The following SNX29 variants were observed in gnomAD, a reference collection of about 807,000 sequenced individuals.
SNX29 encodes sorting nexin-29.
Under a neutral mutation model 102.1 loss-of-function variants are expected in SNX29, and 78 were observed. The ratio of observed to expected loss-of-function variants is 0.76; its 90% CI spans 0.64 to 0.92. The LOEUF (loss-of-function observed/expected upper bound fraction) is 0.92. SNX29 is among the 40% of genes least tolerant of loss of function. The pLI is 0.00. For synonymous variants in SNX29, 580 were observed against 414.5 expected (o/e 1.40, Z -4.85); for missense variants, 1,280 against 1,061.7 (o/e 1.21, Z -2.86).
At chr16:12,143,482 G>C (rs1567245470) in intron 13 of SNX29, among the ~76,000 whole-genome samples, 1 of 152,138 alleles carries the variant, frequency 6.6e-6, no homozygotes, top group African/African-American at 2.4e-5. Context: ...CTCGTCCTTA[G>C]TGTCATGCAA....
At chr16:12,262,685 G>A (rs1008900477) in intron 14 of SNX29, among the ~76,000 whole-genome samples, 2 of 152,222 alleles carry the variant, frequency 1.3e-5, no homozygotes, top group African/African-American at 4.8e-5. Flanking sequence ...ACAGTGGTAA[G>A]GAGACCAGGG....
At chr16:12,226,528 G>T (rs2077614273) in intron 14 of SNX29, among the ~76,000 whole-genome samples, 1 of 151,962 alleles carries the variant, frequency 6.6e-6, no homozygotes, top group Non-Finnish European at 1.5e-5. Flanking sequence ...ATTCTAGAAA[G>T]AGGGTTTGGG....
chr16:12,048,477 A>T lies in SNX29; in HGVS notation c.605A>T (p.Asn202Ile). The change falls in exon 7 of 21, where the codon AAC (asparagine) becomes ATC (isoleucine). Residue 202 changes from asparagine (N) to isoleucine (I), a missense_variant. Physicochemically the swap from Asn to Ile is moderately radical, Grantham distance 149. Coordinates refer to ENST00000566228, the MANE Select transcript of SNX29 (RefSeq NM_032167.5). ...GACCTCTTAAAGGAGTCAACGCAGA[A>T]CGTGACCTCCTTGCTGAAGGAGTCC... ...VSDLLKESTQ[N>I]VTSLLKESTQ... is the part of the protein sequence containing the mutation. 2 of 1,613,902 alleles carry T rather than the reference A, an allele frequency of 1.2e-6. No individual in the cohort carries two copies. Among genetic ancestry groups the T allele is most frequent in the Non-Finnish European group, 1.7e-6 (2 of 1,179,868 alleles).
chr16:12,493,636 G>A (rs1485292067), intron 19 of SNX29, among the ~76,000 whole-genome samples: 1 of 152,208 alleles, frequency 6.6e-6, no homozygotes, highest in Non-Finnish European at 1.5e-5. Flanking sequence ...CTCTTGCCCA[G>A]GCTGGACTGC....
intron 18 of SNX29, among the ~76,000 whole-genome samples, chr16:12,444,034 ATAGCACC>A (rs1323712152): frequency 6.6e-6 from 1 of 151,808 alleles, no homozygotes; most frequent in Non-Finnish European, 1.5e-5. Flanking sequence ...AGCACTCAGT[ATAGCACC>A]TAGCACGTAG....
At chr16:12,558,326 AACAAAGAG>A (rs559683803) in intron 20 of SNX29, among the ~76,000 whole-genome samples, 2 of 150,774 alleles carry the variant, frequency 1.3e-5, no homozygotes, top group East Asian at 1.9e-4. Context: ...AGTGGCTATC[AACAAAGAG>A]ACAAAGAGGC....
chr16:12,024,304 C>T (rs565520160), intron 3 of SNX29, among the ~76,000 whole-genome samples: 26 of 151,800 alleles, frequency 1.7e-4, no homozygotes, highest in Non-Finnish European at 2.5e-4. Flanking sequence ...ACACCCAGCT[C>T]ATTTTATATA....
chr16:12,034,890 A>G (rs1427989210), intron 4 of SNX29, among the ~76,000 whole-genome samples: 2 of 152,142 alleles, frequency 1.3e-5, no homozygotes, highest in Non-Finnish European at 2.9e-5. Context: ...AGGCACCTGT[A>G]ATTCCAGCTA....
At chr16:12,155,218 AG>A (rs767977438) in intron 13 of SNX29, among the ~76,000 whole-genome samples, 1 of 152,166 alleles carries the variant, frequency 6.6e-6, no homozygotes, top group Non-Finnish European at 1.5e-5. Flanking sequence ...CCATCCCAGG[AG>A]GAAATGTATT....
At chr16:11,994,524 G>T (rs565730622) in intron 1 of SNX29, among the ~76,000 whole-genome samples, 1 of 152,356 alleles carries the variant, frequency 6.6e-6, no homozygotes, top group South Asian at 2.1e-4. Flanking sequence ...CATGGACTTG[G>T]AAATGTATCC....
chr16:12,315,215 C>T (rs1355397653), intron 15 of SNX29, among the ~76,000 whole-genome samples: 1 of 152,084 alleles, frequency 6.6e-6, no homozygotes, highest in Non-Finnish European at 1.5e-5. Context: ...TCAGTGGGGC[C>T]TCCCAGTTGA....
At chr16:12,492,360 C>G in intron 19 of SNX29, among the ~76,000 whole-genome samples, 1 of 152,114 alleles carries the variant, frequency 6.6e-6, no homozygotes, top group East Asian at 1.9e-4. Flanking sequence ...ATCCTTCGCC[C>G]ACTTTTTGAT....
chr16:12,543,859 A>C (rs569015496), intron 20 of SNX29, among the ~76,000 whole-genome samples: 1 of 152,326 alleles, frequency 6.6e-6, no homozygotes, highest in South Asian at 2.1e-4. Context: ...CAGTGGTGGA[A>C]CATCCTCTTA....
At chr16:12,003,734 C>T (rs560408844) in intron 3 of SNX29, among the ~76,000 whole-genome samples, 7 of 152,298 alleles carry the variant, frequency 4.6e-5, no homozygotes, top group African/African-American at 7.2e-5. Context: ...GGGCCGGGTG[C>T]GGTGGCTCAT....
intron 13 of SNX29, among the ~76,000 whole-genome samples, chr16:12,169,347 A>G (rs542110194): frequency 1.3e-5 from 2 of 152,288 alleles, no homozygotes; most frequent in East Asian, 1.9e-4. Flanking sequence ...CACTGAAACA[A>G]GCCAAAATGT....
At chr16:12,316,826 A>T (rs530845164) in intron 15 of SNX29, among the ~76,000 whole-genome samples, 6 of 152,264 alleles carry the variant, frequency 3.9e-5, no homozygotes, top group Admixed American at 3.3e-4. Flanking sequence ...GTTGCTGCAC[A>T]GTGATCCTTG....
At chr16:12,232,886 C>T (rs1368003292) in intron 14 of SNX29, among the ~76,000 whole-genome samples, 1 of 152,206 alleles carries the variant, frequency 6.6e-6, no homozygotes, top group Non-Finnish European at 1.5e-5. Context: ...GTTCACAGCC[C>T]ACCCAGCATG....
intron 20 of SNX29, among the ~76,000 whole-genome samples, chr16:12,532,731 T>C (rs2076965270): frequency 6.6e-6 from 1 of 151,998 alleles, no homozygotes; most frequent in African/African-American, 2.4e-5. Flanking sequence ...GGAAGAGGTG[T>C]TGGCCTTGGA....
intron 13 of SNX29, among the ~76,000 whole-genome samples, chr16:12,169,265 A>G (rs577440025): frequency 6.6e-6 from 1 of 152,344 alleles, no homozygotes; most frequent in African/African-American, 2.4e-5. Flanking sequence ...CCCCAGTTCT[A>G]GGGAGGGTGC....
Sources: gnomAD v4.1 joint callset for allele counts (sites outside exome capture counted in the v4.1 genomes callset) on GRCh38, gnomAD v4.1.1 for gene constraint, MANE v1.5 for transcripts, NCBI Gene and HGNC (gene_info 2026-07-23, HGNC 2026-07-21) for gene names.